The following PTPRM variants were observed in gnomAD, a reference collection of about 807,000 sequenced individuals.
The protein encoded by PTPRM is protein tyrosine phosphatase receptor type M.
A neutral mutation model predicts 186.7 loss-of-function variants in PTPRM; 47 were observed. The observed-to-expected ratio is 0.25, with a 90% confidence interval of 0.20 to 0.32. PTPRM has a LOEUF of 0.32. Among genes scored for constraint, PTPRM ranks in the 10% least tolerant of loss-of-function variants. The probability of loss-of-function intolerance (pLI) is 1.00; values close to 1 mark genes in which losing one functional copy is unlikely to be tolerated. For missense variants in PTPRM, 1,494 were observed against 1,865.0 expected, an observed-to-expected ratio of 0.80 and a Z score of 3.66; for synonymous variants, 668 against 674.9, an observed-to-expected ratio of 0.99 and a Z score of 0.16.
chr18:7,568,806 G>T lies in PTPRM; in HGVS notation c.73+915G>T, dbSNP rs1210769237. Among the ~76,000 whole-genome samples the T allele has an allele frequency of 6.6e-6, 1 of 152,164 alleles. No individual in the cohort carries two copies. The highest frequency in any genetic ancestry group is 1.5e-5 in the Non-Finnish European group (1 of 68,032). On this transcript the variant is annotated intron_variant, in intron 1 of 32. Coordinates refer to ENST00000580170, the MANE Select transcript of PTPRM (RefSeq NM_001105244.2). This position sits in a 1 kb window ranked among gnomAD's most constrained non-coding sequence, Gnocchi z 5.1. ...GAGGATCTGTGGATCGGAGTCGGGG[G>T]TCCGGCGTGGGGGCGAACCCGGCAC... is the stretch of plus-strand genomic sequence containing the variant.
chr18:8,159,319 GAAGATGT>G (rs1249289839), intron 14 of PTPRM, among the ~76,000 whole-genome samples: 5 of 152,238 alleles, frequency 3.3e-5, no homozygotes, highest in South Asian at 2.1e-4. Flanking sequence ...GGATCCCCTG[GAAGATGT>G]TCTTATCATT....
intron 2 of PTPRM, among the ~76,000 whole-genome samples, chr18:7,871,293 C>T (rs1181755491): frequency 6.6e-6 from 1 of 152,186 alleles, no homozygotes; most frequent in African/African-American, 2.4e-5. Flanking sequence ...TTGATGGTCA[C>T]TATTTGCATT....
chr18:7,717,615 C>T (rs534671653), intron 1 of PTPRM, among the ~76,000 whole-genome samples: 15 of 152,200 alleles, frequency 9.9e-5, no homozygotes, highest in Non-Finnish European at 1.6e-4. Context: ...CTGCCTCATG[C>T]GAAAAGGCAA....
intron 14 of PTPRM, among the ~76,000 whole-genome samples, chr18:8,189,619 G>A (rs191208984): frequency 4.7e-4 from 72 of 152,312 alleles, no homozygotes; most frequent in Middle Eastern, 3.4e-3. Context: ...CTCTTTATTC[G>A]TTTATTCCCT....
chr18:8,391,931 C>T (rs557241345), intron 31 of PTPRM, among the ~76,000 whole-genome samples: 4 of 152,138 alleles, frequency 2.6e-5, no homozygotes, highest in South Asian at 2.1e-4. Flanking sequence ...AACTACCTAC[C>T]GATTTACAGG....
At chr18:7,778,142 G>A (rs2042680989) in intron 2 of PTPRM, among the ~76,000 whole-genome samples, 1 of 152,158 alleles carries the variant, frequency 6.6e-6, no homozygotes, top group African/African-American at 2.4e-5. Context: ...TATGTGTGAG[G>A]TTATTTTTAA....
intron 2 of PTPRM, among the ~76,000 whole-genome samples, chr18:7,784,390 T>C (rs2043000678): frequency 6.6e-6 from 1 of 152,122 alleles, no homozygotes; most frequent in Non-Finnish European, 1.5e-5. Context: ...CCAGCCCAGC[T>C]GCTGAAGCTG....
intron 5 of PTPRM, 33 bp from the exon 6 acceptor site, chr18:7,949,148 T>C: frequency 6.5e-7 from 1 of 1,528,856 alleles, no homozygotes; most frequent in African/African-American, 1.4e-5. Flanking sequence ...CTTATATTGC[T>C]TCTTTTTGTC....
At chr18:8,151,156 C>G (rs896227633) in intron 14 of PTPRM, among the ~76,000 whole-genome samples, 6 of 152,174 alleles carry the variant, frequency 3.9e-5, no homozygotes, top group African/African-American at 1.4e-4. Flanking sequence ...AGCTTCAACA[C>G]TGTGCTGGTA....
chr18:8,032,930 G>T (rs531434887), intron 7 of PTPRM, among the ~76,000 whole-genome samples: 1 of 152,052 alleles, frequency 6.6e-6, no homozygotes, highest in South Asian at 2.1e-4. Context: ...TGAAGCCTTG[G>T]AAGTACTAAA....
chr18:7,915,538 C>G (rs1354939844), intron 4 of PTPRM, among the ~76,000 whole-genome samples: 3 of 152,074 alleles, frequency 2.0e-5, no homozygotes, highest in African/African-American at 7.2e-5. Context: ...AGTGATAGAT[C>G]AGTTATTTTA....
chr18:7,805,612 A>C (rs1209374633), intron 2 of PTPRM, among the ~76,000 whole-genome samples: 1 of 152,206 alleles, frequency 6.6e-6, no homozygotes, highest in African/African-American at 2.4e-5. Flanking sequence ...TTATTTACTC[A>C]ATACTTACTT....
chr18:8,316,779 T>C (rs2095311821), intron 21 of PTPRM, among the ~76,000 whole-genome samples: 1 of 152,118 alleles, frequency 6.6e-6, no homozygotes, highest in African/African-American at 2.4e-5. Context: ...GCGCCAGACC[T>C]GGAGGCCCTG....
chr18:7,864,867 T>C (rs2047596999), intron 2 of PTPRM, among the ~76,000 whole-genome samples: 1 of 152,242 alleles, frequency 6.6e-6, no homozygotes, highest in African/African-American at 2.4e-5. Flanking sequence ...TCCTCACTTA[T>C]TTCCTTCAGC....
intron 1 of PTPRM, among the ~76,000 whole-genome samples, chr18:7,609,392 G>T (rs1266074021): frequency 6.6e-6 from 1 of 152,180 alleles, no homozygotes; most frequent in Non-Finnish European, 1.5e-5. Flanking sequence ...TGGAGGACAG[G>T]CCTAGGTGCT....
At chr18:8,183,603 A>G (rs1388460238) in intron 14 of PTPRM, among the ~76,000 whole-genome samples, 2 of 152,166 alleles carry the variant, frequency 1.3e-5, no homozygotes, top group East Asian at 1.9e-4. Context: ...GAATATATGT[A>G]TTGAGTCACA....
intron 7 of PTPRM, among the ~76,000 whole-genome samples, chr18:7,992,881 CAATT>C (rs1412100176): frequency 4.6e-5 from 7 of 151,972 alleles, no homozygotes; most frequent in Admixed American, 3.9e-4. Flanking sequence ...ACAAGTAAGA[CAATT>C]ATTTATTCAA....
rs942720175 is a variant in PTPRM at position 8,252,414 on chromosome 18, C to A, written c.2555-74C>A. The A allele has an allele frequency of 6.0e-6, 7 of 1,158,300 alleles. No individual in the cohort carries two copies. In the East Asian group the frequency reaches 1.6e-4, roughly 27 times the overall value. The allele number at this position is 1,158,300 out of a possible 1,614,324, so 71.8% of individuals were successfully genotyped here. ...AAAATAAAAACTACCTGTAATTATG[C>A]ACGCAGTACTATTGCTTATGCCCTG... On this transcript the variant is annotated intron_variant, in intron 17 of 32. Coordinates refer to ENST00000580170, the MANE Select transcript of PTPRM (RefSeq NM_001105244.2).
intron 1 of PTPRM, among the ~76,000 whole-genome samples, chr18:7,572,560 TAA>T (rs2036589264): frequency 6.6e-6 from 1 of 152,192 alleles, no homozygotes; most frequent in Non-Finnish European, 1.5e-5. Context: ...TAGATTTCAT[TAA>T]GTTTCTAGAA....
Sources: allele counts gnomAD v4.1 joint callset (sites outside exome capture counted in the v4.1 genomes callset), GRCh38; gene constraint gnomAD v4.1.1; non-coding constraint Gnocchi (gnomAD v3.1); transcripts MANE v1.5; gene names NCBI Gene and HGNC (gene_info 2026-07-23, HGNC 2026-07-21).